Variants in SLC9A9 observed in about 807,000 individuals in gnomAD.
The protein encoded by SLC9A9 is solute carrier family 9 member A9.
Under a neutral mutation model 77.8 loss-of-function variants are expected in SLC9A9, and 62 were observed. The ratio of observed to expected loss-of-function variants is 0.80; its 90% CI spans 0.65 to 0.98. The LOEUF (loss-of-function observed/expected upper bound fraction) is 0.98, where lower values mean the gene tolerates loss of function less well. Among genes scored for constraint, SLC9A9 ranks in the 50% least tolerant of loss-of-function variants. SLC9A9 has a pLI of 0.00. For missense variants in SLC9A9, 775 were observed against 774.9 expected (o/e 1.00, Z 0.00); for synonymous variants, 320 against 283.5 (o/e 1.13, Z -1.29).
chr3:143,666,971 G>GA (rs2108761583), intron 5 of SLC9A9, among the ~76,000 whole-genome samples: 1 of 152,184 alleles, frequency 6.6e-6, no homozygotes, highest in South Asian at 2.1e-4. Flanking sequence ...CACAGAATTG[G>GA]AAAAAACTAC....
At chr3:143,306,314 T>C (rs1376655610) in intron 14 of SLC9A9, among the ~76,000 whole-genome samples, 1 of 152,196 alleles carries the variant, frequency 6.6e-6, no homozygotes, top group Non-Finnish European at 1.5e-5. Context: ...GCTCGCCTCA[T>C]AGAAAGCACT....
intron 11 of SLC9A9, among the ~76,000 whole-genome samples, chr3:143,478,350 C>A (rs1166158644): frequency 2.0e-5 from 3 of 152,174 alleles, no homozygotes; most frequent in Non-Finnish European, 4.4e-5. Flanking sequence ...GGAGGGGAAG[C>A]CTGTGAATGA....
intron 4 of SLC9A9, among the ~76,000 whole-genome samples, chr3:143,695,881 G>C (rs1933624043): frequency 6.6e-6 from 1 of 152,098 alleles, no homozygotes; most frequent in African/African-American, 2.4e-5. Context: ...TTGTGGTTTT[G>C]ATTTTCATTT....
chr3:143,794,320 C>T (rs956098824), intron 4 of SLC9A9, among the ~76,000 whole-genome samples: 1 of 109,674 alleles, frequency 9.1e-6, no homozygotes, highest in Non-Finnish European at 1.8e-5. Context: ...AGTACCTGGA[C>T]ATTTTTTTTT....
intron 6 of SLC9A9, among the ~76,000 whole-genome samples, chr3:143,608,482 A>G (rs2037963445): frequency 6.6e-6 from 1 of 152,208 alleles, no homozygotes; most frequent in Admixed American, 6.5e-5. Context: ...ACACACCAGG[A>G]TAGTGAAGCA....
At chr3:143,771,537 G>A (rs1176483999) in intron 4 of SLC9A9, among the ~76,000 whole-genome samples, 1 of 152,136 alleles carries the variant, frequency 6.6e-6, no homozygotes, top group Non-Finnish European at 1.5e-5. Context: ...TGGGAGAAAG[G>A]TTAGAATCTC....
intron 14 of SLC9A9, among the ~76,000 whole-genome samples, chr3:143,344,792 C>G (rs2032211547): frequency 6.6e-6 from 1 of 151,560 alleles, no homozygotes; most frequent in Non-Finnish European, 1.5e-5. Context: ...AAGACTTGAC[C>G]CTGTGCAGTA....
chr3:143,333,204 C>G (rs2031827183), intron 14 of SLC9A9, among the ~76,000 whole-genome samples: 1 of 152,068 alleles, frequency 6.6e-6, no homozygotes, highest in African/African-American at 2.4e-5. Context: ...CTTGTGATTT[C>G]TGTGAACAAA....
At chr3:143,353,563 T>C (rs544967182) in intron 14 of SLC9A9, among the ~76,000 whole-genome samples, 1 of 152,310 alleles carries the variant, frequency 6.6e-6, no homozygotes, top group East Asian at 1.9e-4. Flanking sequence ...AAAATTCTAT[T>C]GTTTAGAAGC....
chr3:143,723,720 G>A (rs181063033), intron 4 of SLC9A9, among the ~76,000 whole-genome samples: 19 of 152,202 alleles, frequency 1.2e-4, no homozygotes, highest in Admixed American at 8.5e-4. Context: ...CATGGTCAGG[G>A]GACCAGTTTT....
chr3:143,697,875 T>C (rs1236313755), intron 4 of SLC9A9, among the ~76,000 whole-genome samples: 2 of 152,202 alleles, frequency 1.3e-5, no homozygotes, highest in Non-Finnish European at 2.9e-5. Context: ...GTAATTGTTA[T>C]TATTACAAAC....
intron 3 of SLC9A9, among the ~76,000 whole-genome samples, chr3:143,795,775 A>G (rs1200150496): frequency 1.3e-5 from 2 of 152,192 alleles, no homozygotes; most frequent in Non-Finnish European, 2.9e-5. Flanking sequence ...AATTCACTTT[A>G]TTTTAATGAG....
At chr3:143,433,179 C>A (rs2034556385) in intron 12 of SLC9A9, among the ~76,000 whole-genome samples, 1 of 152,160 alleles carries the variant, frequency 6.6e-6, no homozygotes, top group African/African-American at 2.4e-5. Context: ...CTCTTGATTT[C>A]ATGGAAGGGT....
At chr3:143,332,565 T>C (rs1457636549) in intron 14 of SLC9A9, among the ~76,000 whole-genome samples, 2 of 152,220 alleles carry the variant, frequency 1.3e-5, no homozygotes, top group Non-Finnish European at 2.9e-5. Context: ...GGCCCACTAA[T>C]ACATTTGAGA....
intron 6 of SLC9A9, among the ~76,000 whole-genome samples, chr3:143,592,288 G>T (rs1354484256): frequency 6.6e-6 from 1 of 152,210 alleles, no homozygotes; most frequent in Non-Finnish European, 1.5e-5. Flanking sequence ...GCACTTTGCA[G>T]GGTGGAAGTG....
At chr3:143,309,676 C>T (rs572274887) in intron 14 of SLC9A9, among the ~76,000 whole-genome samples, 5 of 152,248 alleles carry the variant, frequency 3.3e-5, no homozygotes, top group Non-Finnish European at 7.4e-5. Flanking sequence ...TTTTGTTTCC[C>T]TGTATCTCAA....
At chr3:143,737,739 A>G (rs1934977998) in intron 4 of SLC9A9, among the ~76,000 whole-genome samples, 2 of 152,182 alleles carry the variant, frequency 1.3e-5, no homozygotes, top group Non-Finnish European at 2.9e-5. Context: ...GGTTTACTTA[A>G]TTTTCTTTTA....
At chr3:143,777,760 G>C (rs1194661066) in intron 4 of SLC9A9, among the ~76,000 whole-genome samples, 2 of 148,950 alleles carry the variant, frequency 1.3e-5, no homozygotes, top group Non-Finnish European at 3.0e-5. Context: ...TGTCACCCAG[G>C]CTGGAGTGCA....
At chr3:143,724,480 T>A (rs147805150) in intron 4 of SLC9A9, among the ~76,000 whole-genome samples, 82 of 152,338 alleles carry the variant, frequency 5.4e-4, no homozygotes, top group African/African-American at 1.9e-3. Context: ...CCCATTTCAT[T>A]CCCTGTTTGA....
Sources: gnomAD v4.1 joint callset for allele counts (sites outside exome capture counted in the v4.1 genomes callset) on GRCh38, gnomAD v4.1.1 for gene constraint, MANE v1.5 for transcripts, NCBI Gene and HGNC (gene_info 2026-07-23, HGNC 2026-07-21) for gene names.